Variants in PLEKHH2 observed in about 807,000 individuals in gnomAD.
PLEKHH2 encodes the protein pleckstrin homology domain-containing family H member 2.
In PLEKHH2, 129 loss-of-function variants were observed where a neutral mutation model predicts 187.9. The observed-to-expected ratio is 0.69, with a 90% CI of 0.59 to 0.79. The LOEUF is 0.79. Ranked by LOEUF, PLEKHH2 falls within the 30% of genes least tolerant of loss-of-function variation. The probability of loss-of-function intolerance (pLI) is 0.00; values close to 1 mark genes in which losing one functional copy is unlikely to be tolerated. For synonymous variants in PLEKHH2, 686 were observed against 605.6 expected, an observed-to-expected ratio of 1.13 and a Z score of -1.95; for missense variants, 2,076 against 1,751.2, an observed-to-expected ratio of 1.19 and a Z score of -3.31.
chr2:43,704,662 T>TAAAAAAAAA (rs70965318), intron 9 of PLEKHH2, among the ~76,000 whole-genome samples: 6 of 84,294 alleles, frequency 7.1e-5, no homozygotes, highest in Non-Finnish European at 1.1e-4. Context: ...GATTCTGTCT[T>TAAAAAAAAA]AAAAAAAAAA....
chr2:43,716,667 G>T (rs1670225369), intron 15 of PLEKHH2, among the ~76,000 whole-genome samples: 2 of 152,196 alleles, frequency 1.3e-5, no homozygotes, highest in Admixed American at 1.3e-4. Context: ...CAAAAAAGCA[G>T]AATAATTTTA....
At chr2:43,731,890 A>T (rs529358528) in intron 19 of PLEKHH2, among the ~76,000 whole-genome samples, 5 of 152,304 alleles carry the variant, frequency 3.3e-5, no homozygotes, top group African/African-American at 1.2e-4. Context: ...CTAATTTTCC[A>T]CATCACACCA....
chr2:43,764,144 T>A, intron 28 of PLEKHH2, 84 bp from the exon 29 acceptor site: 1 of 807,544 alleles, frequency 1.2e-6, no homozygotes, highest in Non-Finnish European at 1.8e-6. Flanking sequence ...ATCTGCCTTT[T>A]AATGGAGATA....
intron 3 of PLEKHH2, among the ~76,000 whole-genome samples, chr2:43,684,232 T>TC (rs1399893533): frequency 1.3e-5 from 2 of 151,880 alleles, no homozygotes; most frequent in Admixed American, 6.6e-5. Flanking sequence ...CCCTTCTTTT[T>TC]CCTTCATTGT....
At chr2:43,701,767 ATTTT>A (rs34664734) in intron 8 of PLEKHH2, among the ~76,000 whole-genome samples, 1 of 130,940 alleles carries the variant, frequency 7.6e-6, no homozygotes. Context: ...TTTAATTTTA[ATTTT>A]TTTTTTTTTT....
intron 6 of PLEKHH2, among the ~76,000 whole-genome samples, chr2:43,696,198 C>T (rs767792963): frequency 6.6e-6 from 1 of 152,052 alleles, no homozygotes; most frequent in African/African-American, 2.4e-5. Context: ...CTGGGCCAGG[C>T]GCAGTGGCTC....
intron 16 of PLEKHH2, among the ~76,000 whole-genome samples, 156 bp downstream of exon 16, chr2:43,720,905 G>A (rs762305961): frequency 6.6e-6 from 1 of 152,040 alleles, no homozygotes. Context: ...ATCACACAAA[G>A]GTCTATCACC....
At chr2:43,648,111 G>C (rs1232859038) in intron 2 of PLEKHH2, among the ~76,000 whole-genome samples, 1 of 152,178 alleles carries the variant, frequency 6.6e-6, no homozygotes, top group Non-Finnish European at 1.5e-5. Context: ...TCAGACTTGT[G>C]ATGCAGCTAA....
At chr2:43,744,636 G>A (rs961912408) in intron 23 of PLEKHH2, among the ~76,000 whole-genome samples, 5 of 152,010 alleles carry the variant, frequency 3.3e-5, no homozygotes, top group African/African-American at 9.7e-5. Context: ...GGGAGGCCGG[G>A]TCAGGTGGAT....
intron 2 of PLEKHH2, among the ~76,000 whole-genome samples, chr2:43,664,046 T>C (rs1667111607): frequency 1.4e-5 from 1 of 70,892 alleles, no homozygotes; most frequent in Admixed American, 1.3e-4. Context: ...TTCTGTCTCA[T>C]TGATCTGTCT....
chr2:43,638,726 G>A (rs1332725633), intron 1 of PLEKHH2, among the ~76,000 whole-genome samples: 1 of 152,128 alleles, frequency 6.6e-6, no homozygotes, highest in African/African-American at 2.4e-5. Context: ...AACATTAGTG[G>A]TAATGAAAAG....
intron 24 of PLEKHH2, 101 bp downstream of exon 24, chr2:43,746,064 A>G: frequency 4.8e-6 from 3 of 628,370 alleles, no homozygotes; most frequent in Non-Finnish European, 7.3e-6. Context: ...AAAGTTATTT[A>G]TTTGTAAGTT....
In PLEKHH2 at chr2:43,710,061, G is replaced by C; in HGVS notation, c.2038G>C (p.Glu680Gln). ...IPPDAYSTDT[E>Q]YSQPEQKLPK... ...TCCTGATGCTTACTCCACAGACACG[G>C]AGTACTCACAGCCAGAGCAGAAGCT... Residue 680 changes from glutamate (E) to glutamine (Q), a missense_variant, in exon 12 of 30, where the codon GAG becomes CAG. Coordinates refer to ENST00000282406, the MANE Select transcript of PLEKHH2 (RefSeq NM_172069.4). The C allele has an allele frequency of 4.3e-6, 7 of 1,613,504 alleles. No homozygotes were observed. The highest frequency in any genetic ancestry group is 5.9e-6 in the Non-Finnish European group (7 of 1,179,514).
At chr2:43,650,325 G>T (rs1389901609) in intron 2 of PLEKHH2, among the ~76,000 whole-genome samples, 1 of 151,422 alleles carries the variant, frequency 6.6e-6, no homozygotes, top group Non-Finnish European at 1.5e-5. Flanking sequence ...TAGAGATGGG[G>T]TTTCACCATG....
In PLEKHH2 at chr2:43,709,983, C is replaced by G. The variant is rs1669873026; in HGVS notation, c.1967-7C>G. 1 of 1,600,952 alleles carries G rather than the reference C, an allele frequency of 6.2e-7. No homozygotes were observed. The highest frequency in any genetic ancestry group is 8.5e-7 in the Non-Finnish European group (1 of 1,175,526). ...TACTGACTTGATTTCTTTCTTTGTTCTCTTAGGTGTGTCTCTCTCCTCTGT... is the reference window on the plus strand; with the variant it reads ...TACTGACTTGATTTCTTTCTTTGTTGTCTTAGGTGTGTCTCTCTCCTCTGT... On this transcript the variant is annotated splice_region_variant and splice_polypyrimidine_tract_variant and intron_variant, in intron 11 of 29. Coordinates refer to ENST00000282406, the MANE Select transcript of PLEKHH2 (RefSeq NM_172069.4).
intron 16 of PLEKHH2, among the ~76,000 whole-genome samples, chr2:43,721,428 A>G (rs1670473460): frequency 1.3e-5 from 2 of 152,176 alleles, no homozygotes; most frequent in African/African-American, 4.8e-5. Flanking sequence ...TACTGTGTTA[A>G]TGAGACTAAA....
At chr2:43,731,165 A>C (rs892196846) in intron 18 of PLEKHH2, among the ~76,000 whole-genome samples, 2 of 152,186 alleles carry the variant, frequency 1.3e-5, no homozygotes, top group African/African-American at 4.8e-5. Flanking sequence ...AATCAGTTTC[A>C]GTATATACTG....
chr2:43,639,548 C>T (rs999395689), intron 1 of PLEKHH2, among the ~76,000 whole-genome samples: 1 of 151,874 alleles, frequency 6.6e-6, no homozygotes, highest in African/African-American at 2.4e-5. Flanking sequence ...TGGCATCTTT[C>T]ACTTAGCATA....
chr2:43,741,000 C>T lies in PLEKHH2; in HGVS notation c.3178C>T (p.Leu1060=), dbSNP rs1572647641. 6.2e-7 allele frequency: 1 copy of T among 1,614,022 alleles called. No homozygotes were observed. Among genetic ancestry groups the T allele is most frequent in the Non-Finnish European group, 8.5e-7 (1 of 1,179,952 alleles). Residue 1060 remains leucine, a synonymous_variant, in exon 21 of 30, where the codon CTG becomes TTG. Coordinates refer to ENST00000282406, the MANE Select transcript of PLEKHH2 (RefSeq NM_172069.4). The part of the protein sequence containing the change: ...VGLFLPHHPF[L]WLLRLHLKRN... ...GCTCTTCCTTCCCCATCATCCTTTC[C>T]TGTGGCTCCTCAGGCTTCACCTAAA... is the stretch of plus-strand genomic sequence containing the variant.
Sources: allele counts gnomAD v4.1 joint callset (sites outside exome capture counted in the v4.1 genomes callset), GRCh38; gene constraint gnomAD v4.1.1; transcripts MANE v1.5; gene names NCBI Gene and HGNC (gene_info 2026-07-23, HGNC 2026-07-21).